Variants in TRAPPC9 observed in about 807,000 individuals in gnomAD.
The protein encoded by TRAPPC9 is trafficking protein particle complex subunit 9, also known as IKK2 binding protein.
In TRAPPC9, 83 loss-of-function variants were observed where a neutral mutation model predicts 124.0. That is an observed-to-expected ratio of 0.67 (90% CI 0.56 to 0.80). The LOEUF (loss-of-function observed/expected upper bound fraction) is 0.80. TRAPPC9 is among the 30% of genes least tolerant of loss of function. The pLI is 0.00. For missense variants in TRAPPC9, 1,302 were observed against 1,508.3 expected (o/e 0.86, Z 2.27); for synonymous variants, 638 against 617.5 (o/e 1.03, Z -0.49).
intron 15 of TRAPPC9, among the ~76,000 whole-genome samples, chr8:140,273,415 G>A (rs1237649302): frequency 6.6e-6 from 1 of 152,224 alleles, no homozygotes; most frequent in Non-Finnish European, 1.5e-5. Context: ...ACCGACAGCT[G>A]TGATCCAGCT....
At chr8:140,065,836 T>C (rs1394554073) in intron 17 of TRAPPC9, among the ~76,000 whole-genome samples, 1 of 152,268 alleles carries the variant, frequency 6.6e-6, no homozygotes, top group Non-Finnish European at 1.5e-5. Context: ...GCTATCACAG[T>C]ATCCAATCTG....
At chr8:140,243,935 C>CTGAG (rs2063920437) in intron 16 of TRAPPC9, among the ~76,000 whole-genome samples, 1 of 152,242 alleles carries the variant, frequency 6.6e-6, no homozygotes, top group South Asian at 2.1e-4. Flanking sequence ...GCTTTGCAGC[C>CTGAG]TGAGCTCTGC....
At chr8:140,345,010 A>C (rs2067298992) in intron 9 of TRAPPC9, among the ~76,000 whole-genome samples, 1 of 152,286 alleles carries the variant, frequency 6.6e-6, no homozygotes, top group African/African-American at 2.4e-5. Flanking sequence ...CTGCCCAAGC[A>C]GTGGGGCGGG....
chr8:140,053,131 T>A (rs548255560), intron 17 of TRAPPC9, among the ~76,000 whole-genome samples: 3 of 152,136 alleles, frequency 2.0e-5, no homozygotes, highest in Non-Finnish European at 4.4e-5. Context: ...AAACACATAA[T>A]CATTGAAGGT....
At chr8:140,209,006 G>A (rs887166090) in intron 17 of TRAPPC9, among the ~76,000 whole-genome samples, 5 of 152,198 alleles carry the variant, frequency 3.3e-5, no homozygotes, top group African/African-American at 1.2e-4. Flanking sequence ...TGTATACCAA[G>A]GGGAGACCAT....
chr8:140,428,720 T>A (rs1372058808), intron 4 of TRAPPC9, among the ~76,000 whole-genome samples: 1 of 152,186 alleles, frequency 6.6e-6, no homozygotes, highest in African/African-American at 2.4e-5. Flanking sequence ...GAAACAGAAT[T>A]CAGTAGTTGT....
intron 20 of TRAPPC9, among the ~76,000 whole-genome samples, chr8:139,887,051 C>T (rs180811452): frequency 3.3e-5 from 5 of 152,154 alleles, no homozygotes; most frequent in Admixed American, 3.3e-4. Context: ...TCCCCCTCAT[C>T]AATGGTCCAA....
chr8:140,236,578 T>C (rs373365615), intron 16 of TRAPPC9, among the ~76,000 whole-genome samples: 1 of 152,228 alleles, frequency 6.6e-6, no homozygotes, highest in South Asian at 2.1e-4. Context: ...CATCAAGCTA[T>C]AAACTTAACA....
chr8:139,865,306 G>A (rs1212251110), intron 21 of TRAPPC9, among the ~76,000 whole-genome samples: 1 of 152,180 alleles, frequency 6.6e-6, no homozygotes, highest in African/African-American at 2.4e-5. Context: ...TCCTCAACAC[G>A]CCTGAGGACT....
intron 17 of TRAPPC9, among the ~76,000 whole-genome samples, chr8:140,189,017 T>C (rs956034974): frequency 4.7e-4 from 72 of 152,156 alleles, no homozygotes; most frequent in African/African-American, 1.7e-3. Flanking sequence ...ATGGCCCAAA[T>C]AACACTACAA....
chr8:140,397,850 C>T (rs1469603896), intron 6 of TRAPPC9, 105 bp from the exon 7 acceptor site: 17 of 1,455,584 alleles, frequency 1.2e-5, no homozygotes, highest in South Asian at 3.4e-5. Flanking sequence ...CAGCACTTCC[C>T]CCATCACAGG....
intron 18 of TRAPPC9, among the ~76,000 whole-genome samples, chr8:140,015,634 A>G (rs1839415341): frequency 8.9e-6 from 1 of 112,974 alleles, no homozygotes; most frequent in Non-Finnish European, 1.9e-5. Flanking sequence ...ACTAAAAATG[A>G]AAAACAATAA....
intron 4 of TRAPPC9, among the ~76,000 whole-genome samples, chr8:140,434,187 C>T (rs1442747551): frequency 6.6e-6 from 1 of 152,158 alleles, no homozygotes; most frequent in African/African-American, 2.4e-5. Flanking sequence ...CGCTGCTCGG[C>T]CCACTCCCAC....
At chr8:139,791,460 G>A (rs758752446) in intron 21 of TRAPPC9, among the ~76,000 whole-genome samples, 20 of 148,564 alleles carry the variant, frequency 1.3e-4, no homozygotes, top group Non-Finnish European at 2.2e-4. Context: ...ACGGGTACCC[G>A]TCTCCCGTGC....
chr8:140,363,599 G>A (rs1244435464), intron 8 of TRAPPC9, among the ~76,000 whole-genome samples: 2 of 151,268 alleles, frequency 1.3e-5, no homozygotes, highest in East Asian at 1.9e-4. Context: ...TGACACAAAC[G>A]TCTTTTTTTT....
intron 9 of TRAPPC9, among the ~76,000 whole-genome samples, chr8:140,343,073 T>C (rs2067239059): frequency 6.6e-6 from 1 of 152,244 alleles, no homozygotes; most frequent in South Asian, 2.1e-4. Context: ...ATTGTTTTAA[T>C]ACTATTTTAG....
chr8:140,446,822 G>A (rs987568134), intron 2 of TRAPPC9, among the ~76,000 whole-genome samples: 3 of 151,942 alleles, frequency 2.0e-5, no homozygotes, highest in African/African-American at 2.4e-5. Context: ...GTGAACCACC[G>A]CACCCAGCCT....
chr8:139,751,329 C>T (rs1819292596), intron 21 of TRAPPC9, among the ~76,000 whole-genome samples: 1 of 152,176 alleles, frequency 6.6e-6, no homozygotes, highest in African/African-American at 2.4e-5. Context: ...GCCCACAGCA[C>T]CTGGGATTGA....
At chr8:139,963,357 T>C (rs1405569648) in intron 19 of TRAPPC9, among the ~76,000 whole-genome samples, 2 of 152,140 alleles carry the variant, frequency 1.3e-5, no homozygotes, top group African/African-American at 4.8e-5. Flanking sequence ...AAGGTTAGAT[T>C]TAACCCTAGG....
Sources: allele counts gnomAD v4.1 joint callset (sites outside exome capture counted in the v4.1 genomes callset), GRCh38; gene constraint gnomAD v4.1.1; transcripts MANE v1.5; gene names NCBI Gene and HGNC (gene_info 2026-07-23, HGNC 2026-07-21).